The following HS6ST3 variants were observed in gnomAD, a reference collection of about 807,000 sequenced individuals.
HS6ST3 encodes heparan-sulfate 6-O-sulfotransferase 3.
In HS6ST3, 12 loss-of-function variants were observed where a neutral mutation model predicts 36.7. The observed-to-expected ratio is 0.33, with a 90% CI of 0.21 to 0.53. The LOEUF (loss-of-function observed/expected upper bound fraction) is 0.53. Among genes scored for constraint, HS6ST3 ranks in the 20% least tolerant of loss-of-function variants. HS6ST3 has a pLI of 0.95. For synonymous variants in HS6ST3, 240 were observed against 257.5 expected (o/e 0.93, Z 0.65); for missense variants, 584 against 640.9 (o/e 0.91, Z 0.96).
At chr13:96,543,972 T>TAA (rs71213618) in intron 1 of HS6ST3, among the ~76,000 whole-genome samples, 3 of 151,106 alleles carry the variant, frequency 2.0e-5, no homozygotes, top group Non-Finnish European at 4.4e-5. Context: ...TATATATATA[T>TAA]AATTCTAAAC....
At chr13:96,300,404 A>C (rs945096398) in intron 1 of HS6ST3, among the ~76,000 whole-genome samples, 1 of 152,016 alleles carries the variant, frequency 6.6e-6, no homozygotes, top group African/African-American at 2.4e-5. Context: ...ACTCAATAGC[A>C]GGCAAACAGC....
At chr13:96,422,765 C>T (rs959912615) in intron 1 of HS6ST3, among the ~76,000 whole-genome samples, 3 of 152,094 alleles carry the variant, frequency 2.0e-5, no homozygotes, top group Admixed American at 2.0e-4. Context: ...TGCAAGGTAA[C>T]CAAGCACTGG....
Position 96,835,364 on chromosome 13 carries a change from AT to A in HS6ST3, c.*2167del, listed in dbSNP as rs2138553115. Reference sequence around the variant, plus strand: ...TAGGCAGCTGTGTTTTTTAAGCCATATACAAGAGTAAGTTAAAAGGGGCCAA... The same window carrying A: ...TAGGCAGCTGTGTTTTTTAAGCCATAACAAGAGTAAGTTAAAAGGGGCCAA... On this transcript the variant is annotated 3_prime_UTR_variant, in exon 2 of 2. Transcript: ENST00000376705. 6.6e-6 allele frequency: 1 copy of A among 152,390 alleles called. No homozygotes were observed. Among genetic ancestry groups the A allele is most frequent in the African/African-American group, 2.4e-5 (1 of 41,580 alleles). 9.4% of individuals were successfully genotyped at this position (152,390 alleles called of 1,614,324 possible).
intron 1 of HS6ST3, among the ~76,000 whole-genome samples, chr13:96,377,903 G>A (rs1051113229): frequency 6.6e-6 from 1 of 152,164 alleles, no homozygotes; most frequent in Non-Finnish European, 1.5e-5. Context: ...GCAAGTTGGG[G>A]TAACAGAAAG....
chr13:96,602,150 G>C (rs527334808), intron 1 of HS6ST3, among the ~76,000 whole-genome samples: 1 of 152,174 alleles, frequency 6.6e-6, no homozygotes, highest in African/African-American at 2.4e-5. Context: ...ATACCCCAGT[G>C]GTGGGCAGAA....
chr13:96,119,872 A>G (rs2053916986), intron 1 of HS6ST3, among the ~76,000 whole-genome samples: 1 of 128,512 alleles, frequency 7.8e-6, no homozygotes, highest in South Asian at 2.7e-4. Flanking sequence ...ATTAAATATA[A>G]TAGGAAAAAA....
intron 1 of HS6ST3, among the ~76,000 whole-genome samples, chr13:96,241,786 C>CTTTTTTTTTTT (rs1235986148): frequency 2.3e-5 from 3 of 131,426 alleles, no homozygotes; most frequent in Non-Finnish European, 4.9e-5. Context: ...TTTTTTCTTT[C>CTTTTTTTTTTT]TTTTTTTTTT....
At chr13:96,556,270 A>G (rs2056240404) in intron 1 of HS6ST3, among the ~76,000 whole-genome samples, 1 of 152,190 alleles carries the variant, frequency 6.6e-6, no homozygotes, top group Non-Finnish European at 1.5e-5. Flanking sequence ...AAAATATTGG[A>G]ATAGCTTTAG....
intron 1 of HS6ST3, among the ~76,000 whole-genome samples, chr13:96,195,921 A>G (rs2054310610): frequency 6.6e-6 from 1 of 152,158 alleles, no homozygotes; most frequent in South Asian, 2.1e-4. Flanking sequence ...GTAGTAAAAT[A>G]TGCGCTCGAT....
chr13:96,507,481 C>G (rs1393074452), intron 1 of HS6ST3, among the ~76,000 whole-genome samples: 3 of 152,034 alleles, frequency 2.0e-5, no homozygotes, highest in Non-Finnish European at 4.4e-5. Flanking sequence ...ACTAGGATCT[C>G]ACTCAGAATA....
chr13:96,816,776 A>G (rs745510578), intron 1 of HS6ST3, among the ~76,000 whole-genome samples: 6 of 152,322 alleles, frequency 3.9e-5, no homozygotes, highest in African/African-American at 1.4e-4. Context: ...GCCATTTCAC[A>G]TCAGCGCTCC....
intron 1 of HS6ST3, among the ~76,000 whole-genome samples, chr13:96,728,294 G>A (rs1250819164): frequency 6.6e-6 from 1 of 152,060 alleles, no homozygotes; most frequent in African/African-American, 2.4e-5. Flanking sequence ...AAATAAAGAA[G>A]CCCAATATTA....
chr13:96,230,738 C>A (rs79806317), intron 1 of HS6ST3, among the ~76,000 whole-genome samples: 8,460 of 151,972 alleles, frequency 0.056, 431 homozygotes, highest in African/African-American at 0.14. Flanking sequence ...CTTTTGGGGG[C>A]CTCAAAGTCA....
At chr13:96,458,653 AG>A (rs1336193684) in intron 1 of HS6ST3, among the ~76,000 whole-genome samples, 4 of 152,098 alleles carry the variant, frequency 2.6e-5, no homozygotes, top group Middle Eastern at 3.4e-3. Flanking sequence ...AAAAAAAAAA[AG>A]AATGGTCTTT....
intron 1 of HS6ST3, among the ~76,000 whole-genome samples, chr13:96,591,461 T>C (rs1056766994): frequency 3.3e-5 from 5 of 152,134 alleles, no homozygotes; most frequent in African/African-American, 1.2e-4. Context: ...GCAGCTATTC[T>C]AAATGGGATT....
At chr13:96,420,150 C>G (rs1201630868) in intron 1 of HS6ST3, among the ~76,000 whole-genome samples, 1 of 152,186 alleles carries the variant, frequency 6.6e-6, no homozygotes, top group Admixed American at 6.5e-5. Context: ...AAACAACTCA[C>G]TTGGTATCTG....
At chr13:96,726,027 C>T (rs942707540) in intron 1 of HS6ST3, among the ~76,000 whole-genome samples, 3 of 151,880 alleles carry the variant, frequency 2.0e-5, no homozygotes, top group Non-Finnish European at 2.9e-5. Context: ...AGGTAGAGAC[C>T]GGGTTTCGCC....
intron 1 of HS6ST3, among the ~76,000 whole-genome samples, chr13:96,830,698 G>A (rs1208987227): frequency 1.3e-5 from 2 of 152,148 alleles, no homozygotes; most frequent in Admixed American, 1.3e-4. Context: ...CACCAGCCTT[G>A]GTTCCTGGGC....
intron 1 of HS6ST3, among the ~76,000 whole-genome samples, chr13:96,221,709 T>C (rs2054456402): frequency 6.6e-6 from 1 of 152,154 alleles, no homozygotes; most frequent in South Asian, 2.1e-4. Flanking sequence ...AAATCTCATA[T>C]ATCAGAAGGA....
Sources: allele counts gnomAD v4.1 joint callset (sites outside exome capture counted in the v4.1 genomes callset), GRCh38; gene constraint gnomAD v4.1.1; transcripts MANE v1.5; gene names NCBI Gene and HGNC (gene_info 2026-07-23, HGNC 2026-07-21).